The following ATP2B3 variants were observed in gnomAD, a reference collection of about 807,000 sequenced individuals.
ATP2B3 encodes ATPase plasma membrane Ca2+ transporting 3, also known as plasma membrane calcium-transporting ATPase 3.
A neutral mutation model predicts 70.8 loss-of-function variants in ATP2B3; 12 were observed. The observed-to-expected ratio is 0.17, with a 90% confidence interval of 0.11 to 0.27. The LOEUF (loss-of-function observed/expected upper bound fraction) is 0.27. ATP2B3 is among the 10% of genes least tolerant of loss of function. ATP2B3 has a pLI of 1.00. For synonymous variants in ATP2B3, 460 were observed against 497.8 expected (o/e 0.92, Z 1.01); for missense variants, 858 against 1,118.5 (o/e 0.77, Z 3.32).
At chrX:153,534,333 G>A (rs782632940) in intron 2 of ATP2B3, among the ~76,000 whole-genome samples, 3 of 112,166 alleles carry the variant, frequency 2.7e-5, no homozygotes, top group Non-Finnish European at 5.6e-5. Flanking sequence ...TCAGTTTCCC[G>A]CATCAGAAAA....
At position 153,580,373 on chromosome X, in the gene ATP2B3, C is replaced by T; in HGVS notation, c.*75C>T. The T allele has an allele frequency of 1.0e-6, 1 of 994,819 alleles. No individual in the cohort carries two copies. Among genetic ancestry groups the T allele is most frequent in the Non-Finnish European group, 1.4e-6 (1 of 724,518 alleles). 82.0% of individuals were successfully genotyped at this position (994,819 alleles called of 1,213,427 possible). ...AGTCACACGCACACATGCACGCACA[C>T]ACACATATGGGGACCTGCACACCTG... On this transcript the variant is annotated 3_prime_UTR_variant, in exon 22 of 22. Transcript: ENST00000263519.
intron 17 of ATP2B3, among the ~76,000 whole-genome samples, 183 bp downstream of exon 17, chrX:153,558,486 C>G (rs782046869): frequency 1.8e-5 from 2 of 112,624 alleles, no homozygotes; most frequent in Non-Finnish European, 3.7e-5. Context: ...AGGACATTCA[C>G]CACGTTGTGC....
chrX:153,542,911 C>T, intron 6 of ATP2B3, 132 bp from the exon 7 acceptor site: 1 of 910,328 alleles, frequency 1.1e-6, no homozygotes, highest in South Asian at 2.6e-5. Flanking sequence ...AGGGAGGAGG[C>T]TTCAGCCTAG....
rs144519085 is a variant in ATP2B3, at chrX:153,569,764, T to C, written c.3342+4661T>C. 984 of 1,206,049 alleles carry C rather than the reference T, an allele frequency of 8.2e-4. 2 individuals are homozygous for C. In the African/African-American group the frequency reaches 0.015, roughly 18 times the overall value. ...CTACCAGTGCTGCTGGGAGTGAGTC[T>C]TGACTTCCCTTTTCTCTCATAAATG... On this transcript the variant is annotated intron_variant, in intron 21 of 21. Transcript: ENST00000263519.
intron 12 of ATP2B3, among the ~76,000 whole-genome samples, chrX:153,552,507 C>T (rs1557011893): frequency 8.9e-6 from 1 of 112,148 alleles, no homozygotes; most frequent in African/African-American, 3.2e-5. Flanking sequence ...GAGTCATGAG[C>T]GCTCTACTGA....
In ATP2B3 at chrX:153,559,831, C is replaced by T; in HGVS notation, c.2728C>T (p.Leu910=). ...ATEPPTESLL[L]RKPYGRDKPL... is the part of the protein sequence containing the mutation. Reference sequence around the variant, plus strand: ...GGAGCCACCCACAGAGTCGCTGCTGCTGCGGAAGCCGTACGGCCGCGACAA... The same window carrying T: ...GGAGCCACCCACAGAGTCGCTGCTGTTGCGGAAGCCGTACGGCCGCGACAA... Residue 910 remains leucine (L), a synonymous_variant, in exon 18 of 22, where the codon CTG becomes TTG. Coordinates refer to ENST00000263519, the MANE Select transcript of ATP2B3 (RefSeq NM_001001344.3). The T allele has an allele frequency of 3.3e-6, 4 of 1,211,939 alleles. No homozygotes were observed. The highest frequency in any genetic ancestry group is 4.5e-6 in the Non-Finnish European group (4 of 895,560).
intron 8 of ATP2B3, among the ~76,000 whole-genome samples, chrX:153,546,971 G>A (rs1223938773): frequency 1.8e-5 from 2 of 112,239 alleles, no homozygotes; most frequent in Non-Finnish European, 1.9e-5. Context: ...GAGCCGTGGC[G>A]AATGGCCTTG....
At chrX:153,572,021 C>T (rs782538529) in intron 21 of ATP2B3, among the ~76,000 whole-genome samples, 4 of 112,778 alleles carry the variant, frequency 3.5e-5, no homozygotes, top group South Asian at 3.6e-4. Flanking sequence ...CCCCACTCCA[C>T]GCTTCAAGGA....
rs1432541405 is a variant in ATP2B3 at position 153,556,061 on chromosome X, A to C, written c.2071A>C (p.Ile691Leu). The change falls in exon 14 of 22, where the codon ATC (isoleucine) becomes CTC (leucine). Residue 691 changes from isoleucine to leucine, a missense_variant. Transcript: ENST00000263519. ...DPVRPEVPEA[I>L]RKCQRAGITV... ...TTGTCTCTTCTAGGTCCCTGAAGCT[A>C]TCCGAAAATGCCAGCGTGCTGGCAT... 1 of 1,211,105 alleles carries C rather than the reference A, an allele frequency of 8.3e-7. No homozygotes were observed. The highest frequency in any genetic ancestry group is 1.1e-6 in the Non-Finnish European group (1 of 895,401).
Position 153,573,292 on chromosome X carries a change from C to A in ATP2B3, c.3343-6686C>A, listed in dbSNP as rs1046158728. On this transcript the variant is annotated intron_variant, in intron 21 of 21. Coordinates refer to ENST00000263519, the MANE Select transcript of ATP2B3 (RefSeq NM_001001344.3). ...GTGAGTCCCAGGCTTTCCCTGGACA[C>A]TCCTTTCCAGGGCCCAGGGCGACAT... Among the ~76,000 whole-genome samples, 9 of 112,681 alleles carry A rather than the reference C, an allele frequency of 8.0e-5. 1 individual carries two copies. The Middle Eastern group carries it at 0.014, about 172-fold the overall frequency.
intron 11 of ATP2B3, 141 bp from the exon 12 acceptor site, chrX:153,549,904 G>A: frequency 9.2e-7 from 1 of 1,088,148 alleles, no homozygotes; most frequent in Non-Finnish European, 1.2e-6. Flanking sequence ...ACTGCCTGTA[G>A]CTAAGGCCGA....
rs556539115 is a variant in ATP2B3 at position 153,577,385 on chromosome X, G to A, written c.3343-2593G>A. ...TCACATGCCCCCAGGTCTGAATGAG[G>A]CCACCAGCTCAGCGAGATCTCACCC... On this transcript the variant is annotated intron_variant, in intron 21 of 21. Coordinates refer to ENST00000263519, the MANE Select transcript of ATP2B3 (RefSeq NM_001001344.3). Among the ~76,000 whole-genome samples the A allele has an allele frequency of 7.1e-5, 8 of 111,976 alleles. No individual in the cohort carries two copies. The South Asian group carries it at 1.8e-3, about 26-fold the overall frequency.
chrX:153,568,115 C>A (rs2090736986), intron 21 of ATP2B3, among the ~76,000 whole-genome samples: 1 of 111,989 alleles, frequency 8.9e-6, no homozygotes, highest in Admixed American at 9.4e-5. Context: ...CATTTTGTAA[C>A]CTGCTCGCAC....
intron 21 of ATP2B3, among the ~76,000 whole-genome samples, chrX:153,577,037 C>T (rs1257349384): frequency 8.9e-6 from 1 of 112,596 alleles, no homozygotes; most frequent in African/African-American, 3.2e-5. Context: ...GGACTCCAGC[C>T]AAGCTTAGCA....
chrX:153,580,613 G>A lies in ATP2B3; in HGVS notation c.*315G>A, dbSNP rs1450459605. ...AGGAAGGAGAAGAAGTAGAAAGTGC[G>A]AAGAGCTGAGTTCCCCACCTTTTTT... On this transcript the variant is annotated 3_prime_UTR_variant, in exon 22 of 22. Transcript: ENST00000263519. The A allele has an allele frequency of 1.9e-5, 5 of 267,795 alleles. No homozygotes were observed. Among genetic ancestry groups the A allele is most frequent in the African/African-American group, 2.7e-5 (1 of 37,053 alleles). The allele number at this position is 267,795 out of a possible 1,213,427, so 22.1% of individuals were successfully genotyped here.
chrX:153,579,264 ATCT>A (rs2090893870), intron 21 of ATP2B3, among the ~76,000 whole-genome samples: 1 of 112,607 alleles, frequency 8.9e-6, no homozygotes, highest in Non-Finnish European at 1.9e-5. Context: ...AAGAGGGATG[ATCT>A]TCTGTGTTGA....
intron 2 of ATP2B3, among the ~76,000 whole-genome samples, chrX:153,527,337 C>T (rs868912936): frequency 8.9e-5 from 10 of 112,903 alleles, no homozygotes; most frequent in African/African-American, 2.9e-4. Context: ...ACAGCCACAG[C>T]GTTTCTAGGT....
intron 7 of ATP2B3, among the ~76,000 whole-genome samples, chrX:153,545,025 C>T (rs1204576147): frequency 2.7e-5 from 3 of 113,021 alleles, no homozygotes; most frequent in Non-Finnish European, 3.8e-5. Flanking sequence ...AAGAAGGGCC[C>T]TCTGTGCCCA....
At chrX:153,568,666 G>C (rs2090745268) in intron 21 of ATP2B3, among the ~76,000 whole-genome samples, 2 of 112,076 alleles carry the variant, frequency 1.8e-5, no homozygotes, top group South Asian at 7.4e-4. Context: ...GAAGAAGGAG[G>C]AGTCCTTTCC....
Sources: gnomAD v4.1 joint callset for allele counts (sites outside exome capture counted in the v4.1 genomes callset) on GRCh38, gnomAD v4.1.1 for gene constraint, MANE v1.5 for transcripts, NCBI Gene and HGNC (gene_info 2026-07-23, HGNC 2026-07-21) for gene names.